Variants in C2orf15 observed in about 807,000 individuals in gnomAD.
C2orf15 encodes chromosome 2 open reading frame 15, also known as uncharacterized protein C2orf15.
C2orf15 carries 3 observed loss-of-function variants against 4.4 expected under a neutral mutation model. The ratio of observed to expected loss-of-function variants is 0.67; its 90% CI spans 0.31 to 1.74. The LOEUF is 1.74. Ranked by LOEUF, C2orf15 falls within the 40% of genes most tolerant of loss-of-function variation. C2orf15 has a pLI of 0.09. For synonymous variants in C2orf15, 37 were observed against 36.8 expected (o/e 1.00, Z -0.02); for missense variants, 90 against 103.3 (o/e 0.87, Z 0.56).
intron 3 of C2orf15, among the ~76,000 whole-genome samples, chr2:99,149,605 G>C (rs756421902): frequency 6.6e-6 from 1 of 150,958 alleles, no homozygotes; most frequent in Non-Finnish European, 1.5e-5. Flanking sequence ...ACCACGCCCG[G>C]CTAATTCTTG....
Position 99,150,822 on chromosome 2 carries a change from A to G in C2orf15, c.264A>G (p.Thr88=). The G allele has an allele frequency of 6.3e-7, 1 of 1,585,282 alleles. No homozygotes were observed. The highest frequency in any genetic ancestry group is 8.5e-7 in the Non-Finnish European group (1 of 1,170,016). ...YVKESDGLEM[T]DVE Reference sequence around the variant, plus strand: ...AAGAAAGTGATGGACTAGAAATGACAGATGTGGAATGAAGCAATTTGTACG... The same window carrying G: ...AAGAAAGTGATGGACTAGAAATGACGGATGTGGAATGAAGCAATTTGTACG... The change falls in exon 4 of 4, where the codon ACA becomes ACG. Residue 88 remains threonine, a synonymous_variant. Coordinates refer to ENST00000650052, the MANE Select transcript of C2orf15 (RefSeq NM_144706.4).
chr2:99,148,397 A>T (rs955501812), intron 3 of C2orf15: 4 of 152,336 alleles, frequency 2.6e-5, no homozygotes, highest in Admixed American at 6.5e-5. Context: ...GAGATATTAA[A>T]AAATTTAGCT....
Position 99,150,722 on chromosome 2 carries a change from A to C in C2orf15, c.164A>C (p.Glu55Ala). 1.2e-6 allele frequency: 2 copies of C among 1,614,092 alleles called. No individual in the cohort carries two copies. Among genetic ancestry groups the C allele is most frequent in the Non-Finnish European group, 1.7e-6 (2 of 1,179,956 alleles). ...KKIRLEDTNQENFTRIEGTGT... is the reference protein window; with the variant it reads ...KKIRLEDTNQANFTRIEGTGT... ...ATAAGATTAGAAGACACAAATCAAG[A>C]AAACTTTACAAGGATTGAAGGGACT... is the stretch of plus-strand genomic sequence containing the variant. The change falls in exon 4 of 4, where the codon GAA becomes GCA. Residue 55 changes from glutamate (E) to alanine (A), a missense_variant. Transcript: ENST00000650052.
intron 2 of C2orf15, among the ~76,000 whole-genome samples, chr2:99,143,501 T>C (rs2093599890): frequency 6.7e-6 from 1 of 150,310 alleles, no homozygotes; most frequent in African/African-American, 2.5e-5. Flanking sequence ...TCTCACTCTG[T>C]TGCCCTGTAC....
intron 2 of C2orf15, among the ~76,000 whole-genome samples, chr2:99,142,872 T>C (rs2093585603): frequency 6.6e-6 from 1 of 152,156 alleles, no homozygotes. Flanking sequence ...ATTATTAATA[T>C]AGGAAGTAGG....
At chr2:99,143,258 C>T (rs1202854309) in intron 2 of C2orf15, among the ~76,000 whole-genome samples, 1 of 150,232 alleles carries the variant, frequency 6.7e-6, no homozygotes, top group Non-Finnish European at 1.5e-5. Flanking sequence ...TCTCCTGCCT[C>T]AGCCTCCCAA....
chr2:99,150,985 T>C lies in C2orf15; in HGVS notation c.*151T>C, dbSNP rs2093688255. On this transcript the variant is annotated 3_prime_UTR_variant, in exon 4 of 4. Transcript: ENST00000650052. ...TATTTGTGAATCATCTTACACTGCATTTTTTTATGATGCTTATTCAAAAGG... is the reference window on the plus strand; with the variant it reads ...TATTTGTGAATCATCTTACACTGCACTTTTTTATGATGCTTATTCAAAAGG... The C allele has an allele frequency of 3.9e-6, 2 of 516,858 alleles. No individual in the cohort carries two copies. Among genetic ancestry groups the C allele is most frequent in the South Asian group, 7.5e-5 (2 of 26,816 alleles). 32.0% of individuals were successfully genotyped at this position (516,858 alleles called of 1,614,324 possible).
At chr2:99,142,780 C>T (rs1223161150) in intron 2 of C2orf15, among the ~76,000 whole-genome samples, 5 of 152,206 alleles carry the variant, frequency 3.3e-5, no homozygotes, top group Admixed American at 1.3e-4. Flanking sequence ...AATACATTAT[C>T]TAGCATTATT....
intron 3 of C2orf15, among the ~76,000 whole-genome samples, chr2:99,149,499 G>A (rs1299918921): frequency 2.0e-5 from 3 of 147,544 alleles, no homozygotes; most frequent in Non-Finnish European, 3.0e-5. Flanking sequence ...CTGGAGTGCA[G>A]TGGCGCGATC....
chr2:99,150,208 G>C (rs986602894), intron 3 of C2orf15, among the ~76,000 whole-genome samples: 2 of 152,116 alleles, frequency 1.3e-5, no homozygotes, highest in Non-Finnish European at 2.9e-5. Context: ...AAGAGGTTTC[G>C]CTAGCAAGAA....
At chr2:99,145,903 G>T (rs2093627156) in intron 2 of C2orf15, among the ~76,000 whole-genome samples, 1 of 152,090 alleles carries the variant, frequency 6.6e-6, no homozygotes, top group Non-Finnish European at 1.5e-5. Flanking sequence ...TTTGGGAAGT[G>T]GGAGGATTGC....
chr2:99,150,154 C>T (rs1189455291), intron 3 of C2orf15, among the ~76,000 whole-genome samples: 2 of 152,118 alleles, frequency 1.3e-5, no homozygotes, highest in Non-Finnish European at 1.5e-5. Flanking sequence ...TAGCAGAGTA[C>T]TTGGCCTTCA....
At position 99,150,702 on chromosome 2, in the gene C2orf15, A is replaced by C; in HGVS notation, c.144A>C (p.Arg48Ser). The C allele has an allele frequency of 6.2e-7, 1 of 1,614,124 alleles. No homozygotes were observed. Among genetic ancestry groups the C allele is most frequent in the Non-Finnish European group, 8.5e-7 (1 of 1,179,976 alleles). Reference protein sequence around the residue: ...TQLFQNTKKIRLEDTNQENFT... With the variant: ...TQLFQNTKKISLEDTNQENFT... Reference sequence around the variant, plus strand: ...TATTTCAAAACACCAAGAAAATAAGATTAGAAGACACAAATCAAGAAAACT... The same window carrying C: ...TATTTCAAAACACCAAGAAAATAAGCTTAGAAGACACAAATCAAGAAAACT... Residue 48 changes from arginine (R) to serine (S), a missense_variant, in exon 4 of 4, where the codon AGA (arginine) becomes AGC (serine). Arg to Ser is a moderately radical substitution (Grantham distance 110). Transcript: ENST00000650052.
At chr2:99,143,717 C>A (rs2093601993) in intron 2 of C2orf15, among the ~76,000 whole-genome samples, 1 of 152,060 alleles carries the variant, frequency 6.6e-6, no homozygotes. Context: ...AGTGATCCAC[C>A]CACCTCAGCA....
At position 99,147,410 on chromosome 2, in the gene C2orf15, T is replaced by C. The variant is rs1483326101; in HGVS notation, c.-160T>C. The stretch of plus-strand genomic sequence containing the variant: ...TTACATATATATTCCAGATTTCTTC[T>C]TGAATGGCAACCTAAATGCCAGTCC... On this transcript the variant is annotated 5_prime_UTR_variant, in exon 3 of 4. Transcript: ENST00000650052. 2.6e-6 allele frequency: 4 copies of C among 1,542,958 alleles called. No homozygotes were observed. The highest frequency in any genetic ancestry group is 3.6e-6 in the Non-Finnish European group (4 of 1,115,916).
chr2:99,150,870 T>A lies in C2orf15; in HGVS notation c.*36T>A. On this transcript the variant is annotated 3_prime_UTR_variant, in exon 4 of 4. Transcript: ENST00000650052. ...ACGTATTACCAAAGAAACCAAAAACTGCCTTTGACTAAGGGGGGTGTTGAA... is the reference window on the plus strand; with the variant it reads ...ACGTATTACCAAAGAAACCAAAAACAGCCTTTGACTAAGGGGGGTGTTGAA... 7.2e-7 allele frequency: 1 copy of A among 1,390,420 alleles called. No homozygotes were observed. The highest frequency in any genetic ancestry group is 1.3e-5 in the South Asian group (1 of 74,204). The allele number at this position is 1,390,420 out of a possible 1,614,324, so 86.1% of individuals were successfully genotyped here. A position where few individuals can be genotyped will look rare whatever the true frequency, so the allele number is the denominator to read the frequency against.
At chr2:99,149,785 CT>C (rs70940143) in intron 3 of C2orf15, among the ~76,000 whole-genome samples, 61,260 of 112,158 alleles carry the variant, frequency 0.55, 16,955 homozygotes, top group Middle Eastern at 0.72. Context: ...TCACAAGTAT[CT>C]TTTTTTTTTT....
Position 99,151,067 on chromosome 2 carries a change from A to G in C2orf15, c.*233A>G, listed in dbSNP as rs2093688741. 2.6e-6 allele frequency: 1 copy of G among 381,076 alleles called. No individual in the cohort carries two copies. Among genetic ancestry groups the G allele is most frequent in the Non-Finnish European group, 4.7e-6 (1 of 211,784 alleles). The allele number at this position is 381,076 out of a possible 1,614,324, so 23.6% of individuals were successfully genotyped here. ...ATTCAAAGCAGATTTCTCTGGTATT[A>G]TATTATATCCTTCTTAAAAACCAGA... On this transcript the variant is annotated 3_prime_UTR_variant, in exon 4 of 4. Coordinates refer to ENST00000650052, the MANE Select transcript of C2orf15 (RefSeq NM_144706.4).
At chr2:99,148,231 A>T (rs547338480) in intron 3 of C2orf15, 24 of 152,346 alleles carry the variant, frequency 1.6e-4, no homozygotes, top group African/African-American at 4.1e-4. Context: ...ATTTGACAGG[A>T]GTATTTCCTT....
Sources: allele counts gnomAD v4.1 joint callset (sites outside exome capture counted in the v4.1 genomes callset), GRCh38; gene constraint gnomAD v4.1.1; transcripts MANE v1.5; gene names NCBI Gene and HGNC (gene_info 2026-07-23, HGNC 2026-07-21).